LCMT1: variants seen among roughly 807,000 people sequenced by gnomAD.
LCMT1 encodes the protein leucine carboxyl methyltransferase 1.
A neutral mutation model predicts 47.7 loss-of-function variants in LCMT1; 32 were observed. The observed-to-expected ratio is 0.67, with a 90% CI of 0.51 to 0.90. The LOEUF is 0.90. Ranked by LOEUF, LCMT1 falls within the 40% of genes least tolerant of loss-of-function variation. The probability of loss-of-function intolerance (pLI) is 0.00; values close to 1 mark genes in which losing one functional copy is unlikely to be tolerated. For missense variants in LCMT1, 375 were observed against 415.2 expected (o/e 0.90, Z 0.84); for synonymous variants, 152 against 149.7 (o/e 1.02, Z -0.11).
At chr16:25,123,317 C>T (rs184803474) in intron 1 of LCMT1, among the ~76,000 whole-genome samples, 6 of 147,464 alleles carry the variant, frequency 4.1e-5, no homozygotes, top group East Asian at 2.0e-4. Flanking sequence ...CTCCACCTCT[C>T]GGGTTCAAGC....
chr16:25,128,389 G>C, intron 1 of LCMT1, 86 bp from the exon 2 acceptor site: 1 of 971,182 alleles, frequency 1.0e-6, no homozygotes, highest in South Asian at 1.5e-5. Context: ...CGAGTTCCTT[G>C]ATCTGGTTCC....
At chr16:25,173,365 C>T (rs1256327461) in intron 9 of LCMT1, among the ~76,000 whole-genome samples, 1 of 152,222 alleles carries the variant, frequency 6.6e-6, no homozygotes, top group Non-Finnish European at 1.5e-5. Flanking sequence ...AACTTGGTAT[C>T]AGATCTGCTT....
chr16:25,144,886 A>G (rs1398247876), intron 4 of LCMT1: 1 of 152,196 alleles, frequency 6.6e-6, no homozygotes, highest in Non-Finnish European at 1.5e-5. Flanking sequence ...TCTCACAAAC[A>G]TACAAGGTAA....
chr16:25,112,869 G>A (rs145751593), intron 1 of LCMT1, among the ~76,000 whole-genome samples: 102 of 152,148 alleles, frequency 6.7e-4, no homozygotes, highest in African/African-American at 2.3e-3. Context: ...GAGTTTGGGC[G>A]CGGTGGTTCA....
intron 4 of LCMT1, chr16:25,144,106 T>C (rs1278092339): frequency 6.6e-6 from 1 of 152,288 alleles, no homozygotes; most frequent in Non-Finnish European, 1.5e-5. Flanking sequence ...AGTGAATGAC[T>C]GCCACCTGGC....
intron 1 of LCMT1, among the ~76,000 whole-genome samples, chr16:25,123,020 A>G (rs756777132): frequency 3.0e-4 from 46 of 152,208 alleles, no homozygotes; most frequent in Middle Eastern, 3.4e-3. Flanking sequence ...GTTTTGGGCA[A>G]TGCTTAGGCT....
intron 5 of LCMT1, among the ~76,000 whole-genome samples, chr16:25,157,083 C>A (rs1183266077): frequency 6.6e-6 from 1 of 151,832 alleles, no homozygotes; most frequent in East Asian, 1.9e-4. Flanking sequence ...ACTACAGATC[C>A]AACACATCTC....
In LCMT1 at chr16:25,134,196, T is replaced by C. The variant is rs73563446; in HGVS notation, c.327+1673T>C. 8.8e-3 allele frequency among the ~76,000 whole-genome samples: 1,335 copies of C among 152,258 alleles called. 19 individuals are homozygous for C. The highest frequency in any genetic ancestry group is 0.031 in the African/African-American group (1,270 of 41,530). ...GACCAAGACCCACTTATCTGTTTTGTCCCCTAATCAGTTCACCTGATATGA... is the reference window on the plus strand; with the variant it reads ...GACCAAGACCCACTTATCTGTTTTGCCCCCTAATCAGTTCACCTGATATGA... On this transcript the variant is annotated intron_variant, in intron 3 of 10. Coordinates refer to ENST00000399069, the MANE Select transcript of LCMT1 (RefSeq NM_016309.3).
At chr16:25,165,385 T>G (rs1961557261) in intron 7 of LCMT1, among the ~76,000 whole-genome samples, 2 of 152,206 alleles carry the variant, frequency 1.3e-5, no homozygotes, top group Admixed American at 1.3e-4. Flanking sequence ...TGGCTTGTGC[T>G]CTCAGCTATG....
intron 2 of LCMT1, among the ~76,000 whole-genome samples, chr16:25,131,498 C>A (rs1363798556): frequency 2.0e-5 from 3 of 152,176 alleles, no homozygotes; most frequent in African/African-American, 7.2e-5. Flanking sequence ...AAATGACATA[C>A]AATGTACAAT....
At chr16:25,126,508 C>T (rs1196705251) in intron 1 of LCMT1, among the ~76,000 whole-genome samples, 1 of 152,006 alleles carries the variant, frequency 6.6e-6, no homozygotes, top group Admixed American at 6.6e-5. Context: ...GACCGTCTTC[C>T]TCTCTACGAG....
At chr16:25,113,506 C>A (rs963315451) in intron 1 of LCMT1, among the ~76,000 whole-genome samples, 1 of 152,100 alleles carries the variant, frequency 6.6e-6, no homozygotes, top group Non-Finnish European at 1.5e-5. Flanking sequence ...TGGGTGTGGA[C>A]AAAAATGATA....
intron 2 of LCMT1, 164 bp from the exon 3 acceptor site, chr16:25,132,238 A>T: frequency 1.2e-6 from 1 of 808,218 alleles, no homozygotes; most frequent in Non-Finnish European, 1.9e-6. Context: ...AAAAAAAAAA[A>T]ATTTGAAAGT....
At chr16:25,136,016 C>T (rs538055582) in intron 3 of LCMT1, among the ~76,000 whole-genome samples, 4 of 145,870 alleles carry the variant, frequency 2.7e-5, no homozygotes, top group East Asian at 4.1e-4. Flanking sequence ...ACCTGAGCCC[C>T]GGAGGTCGAG....
chr16:25,177,573 G>A (rs575107903), intron 10 of LCMT1, among the ~76,000 whole-genome samples: 1 of 152,200 alleles, frequency 6.6e-6, no homozygotes, highest in South Asian at 2.1e-4. Flanking sequence ...TAGGTTATTT[G>A]TAATACTTTT....
intron 7 of LCMT1, among the ~76,000 whole-genome samples, chr16:25,167,159 C>T (rs1290202095): frequency 6.6e-6 from 1 of 152,130 alleles, no homozygotes; most frequent in Admixed American, 6.5e-5. Flanking sequence ...CCATAGCTGT[C>T]CCTAGACTGG....
chr16:25,116,339 G>A (rs1316002684), intron 1 of LCMT1, among the ~76,000 whole-genome samples: 1 of 152,230 alleles, frequency 6.6e-6, no homozygotes, highest in African/African-American at 2.4e-5. Flanking sequence ...CTGGGAGAAA[G>A]AGATGTCTGG....
At chr16:25,177,932 G>C in intron 10 of LCMT1, 69 bp from the exon 11 acceptor site, 1 of 1,405,436 alleles carries the variant, frequency 7.1e-7, no homozygotes, top group Non-Finnish European at 1.0e-6. Context: ...GGTCACTGGG[G>C]GTCCTCTAGG....
At chr16:25,159,451 TACAG>T (rs943998320) in intron 5 of LCMT1, among the ~76,000 whole-genome samples, 2 of 152,214 alleles carry the variant, frequency 1.3e-5, no homozygotes, top group African/African-American at 4.8e-5. Flanking sequence ...AATTTTTTTG[TACAG>T]ACAGTCTTGC....
Sources: allele counts gnomAD v4.1 joint callset (sites outside exome capture counted in the v4.1 genomes callset), GRCh38; gene constraint gnomAD v4.1.1; transcripts MANE v1.5; gene names NCBI Gene and HGNC (gene_info 2026-07-23, HGNC 2026-07-21).